PXYLP1: variants seen among roughly 807,000 people sequenced by gnomAD.
PXYLP1 encodes acid phosphatase-like 2.
A neutral mutation model predicts 37.9 loss-of-function variants in PXYLP1; 17 were observed. The ratio of observed to expected loss-of-function variants is 0.45; its 90% CI spans 0.31 to 0.67. PXYLP1 has a LOEUF of 0.67. PXYLP1 is among the 30% of genes least tolerant of loss of function. PXYLP1 has a pLI of 0.07. For synonymous variants in PXYLP1, 221 were observed against 232.2 expected (o/e 0.95, Z 0.44); for missense variants, 511 against 612.0 (o/e 0.84, Z 1.74).
intron 2 of PXYLP1, 35 bp downstream of exon 2, chr3:141,260,289 G>A: frequency 5.0e-6 from 8 of 1,606,304 alleles, no homozygotes; most frequent in Non-Finnish European, 6.8e-6. Flanking sequence ...TCGTGGGAGG[G>A]TAGGGGCTTC....
At chr3:141,273,536 C>T (rs754041993) in intron 2 of PXYLP1, 7 of 985,416 alleles carry the variant, frequency 7.1e-6, no homozygotes, top group Non-Finnish European at 8.4e-6. Flanking sequence ...AGGGAGCCTG[C>T]GTGGGATAGC....
At chr3:141,273,516 G>A in intron 2 of PXYLP1, 1 of 985,500 alleles carries the variant, frequency 1.0e-6, no homozygotes, top group African/African-American at 1.7e-5. Context: ...GGTGGGGAAG[G>A]GTGGTGGGGA....
chr3:141,234,180 C>T (rs966039279), intron 1 of PXYLP1: 1 of 151,954 alleles, frequency 6.6e-6, no homozygotes, highest in African/African-American at 2.4e-5. Context: ...GTCATATCAC[C>T]AGAGACAAAC....
chr3:141,257,674 G>C (rs767023924), intron 1 of PXYLP1, among the ~76,000 whole-genome samples: 3 of 152,094 alleles, frequency 2.0e-5, no homozygotes, highest in African/African-American at 4.8e-5. Context: ...CACTTTGGCA[G>C]GCAGATCACC....
At chr3:141,286,602 A>G (rs149708599) in intron 4 of PXYLP1, among the ~76,000 whole-genome samples, 171 of 152,316 alleles carry the variant, frequency 1.1e-3, no homozygotes, top group African/African-American at 4.0e-3. Flanking sequence ...TGGCGTGGCC[A>G]GAGCACAGTA....
rs375905491 is a variant in PXYLP1, at chr3:141,274,807, G to A, written c.80-3535G>A. 1.1e-4 allele frequency among the ~76,000 whole-genome samples: 16 copies of A among 152,330 alleles called. No individual in the cohort carries two copies. The East Asian group carries it at 2.7e-3, about 26-fold the overall frequency. ...GGTAGGCTCATAGAAGAGGATGTGGGAACTGGGGATTCAGGGCGGGCTTCC... is the reference window on the plus strand; with the variant it reads ...GGTAGGCTCATAGAAGAGGATGTGGAAACTGGGGATTCAGGGCGGGCTTCC... On this transcript the variant is annotated intron_variant, in intron 2 of 5. Transcript: ENST00000286353.
chr3:141,283,936 A>G (rs1461908477), intron 4 of PXYLP1, among the ~76,000 whole-genome samples: 1 of 152,072 alleles, frequency 6.6e-6, no homozygotes, highest in African/African-American at 2.4e-5. Flanking sequence ...TCCAAAGTGA[A>G]TGACTTGAAG....
rs564160023 is a variant in PXYLP1, at chr3:141,254,165, G to A, written c.-53-5958G>A. ...TGTCCTCAAGTGATCTGCCCGCCAC[G>A]GCCTCCCAAAGTACTGGGATTACAG... On this transcript the variant is annotated intron_variant, in intron 1 of 5. Coordinates refer to ENST00000286353, the MANE Select transcript of PXYLP1 (RefSeq NM_001037172.3). 5.3e-5 allele frequency among the ~76,000 whole-genome samples: 8 copies of A among 152,178 alleles called. No homozygotes were observed. The South Asian group carries it at 8.3e-4, about 16-fold the overall frequency.
chr3:141,273,450 TG>T, intron 2 of PXYLP1: 1 of 984,982 alleles, frequency 1.0e-6, no homozygotes, highest in Non-Finnish European at 1.2e-6. Flanking sequence ...GCTATAGCTA[TG>T]GGAATGTTTA....
intron 2 of PXYLP1, among the ~76,000 whole-genome samples, chr3:141,268,186 AGAGAGAGAGAGAGAGAGAGAGTGT>A (rs1257041719): frequency 6.5e-5 from 6 of 91,872 alleles, no homozygotes; most frequent in Non-Finnish European, 1.3e-4. Context: ...AGAGAGAGAG[AGAGAGAGAGAGAGAGAGAGAGTGT>A]GTGTGTGTGT....
chr3:141,279,761 TTAA>T (rs2148817137), intron 4 of PXYLP1, among the ~76,000 whole-genome samples: 1 of 152,280 alleles, frequency 6.6e-6, no homozygotes, highest in South Asian at 2.1e-4. Flanking sequence ...GTTTTTCACT[TTAA>T]TAAACAGTTG....
chr3:141,280,956 A>G (rs961450328), intron 4 of PXYLP1, among the ~76,000 whole-genome samples: 1 of 152,218 alleles, frequency 6.6e-6, no homozygotes, highest in African/African-American at 2.4e-5. Flanking sequence ...AAGCCTTTGT[A>G]GTAGAAGCTG....
At chr3:141,290,312 C>G (rs1199725304) in intron 5 of PXYLP1, among the ~76,000 whole-genome samples, 4 of 152,222 alleles carry the variant, frequency 2.6e-5, no homozygotes, top group African/African-American at 9.7e-5. Context: ...AGAGTAAACA[C>G]AGGCCTTGGA....
At chr3:141,253,422 C>T (rs527777271) in intron 1 of PXYLP1, among the ~76,000 whole-genome samples, 1 of 152,274 alleles carries the variant, frequency 6.6e-6, no homozygotes, top group Non-Finnish European at 1.5e-5. Context: ...CTTTCACAAC[C>T]CAATACCTCC....
At chr3:141,239,279 T>C (rs1172867563) in intron 1 of PXYLP1, among the ~76,000 whole-genome samples, 1 of 152,216 alleles carries the variant, frequency 6.6e-6, no homozygotes, top group East Asian at 1.9e-4. Context: ...CTGTCTCCGT[T>C]GCAGTCCCTA....
intron 1 of PXYLP1, among the ~76,000 whole-genome samples, chr3:141,242,504 G>A (rs1170729300): frequency 6.6e-6 from 1 of 152,208 alleles, no homozygotes; most frequent in Non-Finnish European, 1.5e-5. Context: ...CCTTGATTGT[G>A]ATGAATGGTT....
intron 1 of PXYLP1, among the ~76,000 whole-genome samples, chr3:141,249,470 C>CTTTTTTT (rs564313232): frequency 1.1e-5 from 1 of 93,170 alleles, no homozygotes; most frequent in African/African-American, 4.2e-5. Flanking sequence ...ACTTTGGAAG[C>CTTTTTTT]TTTTTTTTTT....
At chr3:141,241,200 G>C (rs1006563882) in intron 1 of PXYLP1, among the ~76,000 whole-genome samples, 1 of 152,202 alleles carries the variant, frequency 6.6e-6, no homozygotes, top group African/African-American at 2.4e-5. Context: ...TTGATGAGTG[G>C]TATATTGATA....
chr3:141,246,049 G>A lies in PXYLP1; in HGVS notation c.-53-14074G>A, dbSNP rs577504647. On this transcript the variant is annotated intron_variant, in intron 1 of 5. Transcript: ENST00000286353. ...CCCCGACTGACCGACTAAACCTGGA[G>A]AAGACACCTAGCCTTTTGGGTCGCC... 2.6e-5 allele frequency among the ~76,000 whole-genome samples: 4 copies of A among 152,320 alleles called. 1 individual carries two copies. In the South Asian group the frequency reaches 6.2e-4, roughly 24 times the overall value.
Sources: allele counts gnomAD v4.1 joint callset (sites outside exome capture counted in the v4.1 genomes callset), GRCh38; gene constraint gnomAD v4.1.1; transcripts MANE v1.5; gene names NCBI Gene and HGNC (gene_info 2026-07-23, HGNC 2026-07-21).